METTL1: variants seen among roughly 807,000 people sequenced by gnomAD.
METTL1 encodes methyltransferase 1, tRNA methylguanosine.
METTL1 carries 14 observed loss-of-function variants against 27.7 expected under a neutral mutation model. The observed-to-expected ratio is 0.51, with a 90% CI of 0.33 to 0.79. The LOEUF (loss-of-function observed/expected upper bound fraction) is 0.79, where lower values mean the gene tolerates loss of function less well. Among genes scored for constraint, METTL1 ranks in the 30% least tolerant of loss-of-function variants. The pLI is 0.02. For missense variants in METTL1, 333 were observed against 359.6 expected, an observed-to-expected ratio of 0.93 and a Z score of 0.60; for synonymous variants, 138 against 137.0, an observed-to-expected ratio of 1.01 and a Z score of -0.05.
chr12:57,769,027 A>G lies in METTL1; in HGVS notation c.800T>C (p.Val267Ala). Residue 267 changes from valine (V) to alanine (A), a missense_variant, in exon 6 of 6, where the codon GTG becomes GCG. By Grantham distance (64) the Val-to-Ala change is moderately conservative (BLOSUM62 0). Transcript: ENST00000324871. ...ACCAGGCAGGCTGGTTTGGGAGGTC[A>G]CTGCCTGGAGGACGGGATCTTGTAT... is the stretch of plus-strand genomic sequence containing the variant. The part of the protein sequence containing the change: ...RRIQDPVLQA[V>A]TSQTSLPGH The G allele has an allele frequency of 3.1e-6, 5 of 1,607,646 alleles. No homozygotes were observed. The highest frequency in any genetic ancestry group is 1.9e-4 in the Middle Eastern group (1 of 5,210).
intron 2 of METTL1, 61 bp from the exon 3 acceptor site, chr12:57,770,017 C>A: frequency 6.6e-7 from 1 of 1,508,270 alleles, no homozygotes; most frequent in Non-Finnish European, 9.0e-7. Flanking sequence ...GCAAAGGGGT[C>A]AACACAGGAA....
In METTL1 at chr12:57,772,068, G is replaced by A. The variant is rs1293312643; in HGVS notation, c.16C>T (p.Arg6Trp). 3 of 1,562,200 alleles carry A rather than the reference G, an allele frequency of 1.9e-6. No homozygotes were observed. Among genetic ancestry groups the A allele is most frequent in the Middle Eastern group, 1.7e-4 (1 of 5,876 alleles). ...GGGGCCTCTGCTCCGGCCACGTTCC[G>A]AGTCTCGGCTGCCATGATCCCAGTC... is the stretch of plus-strand genomic sequence containing the variant. MAAETRNVAGAEAPPP... is the reference protein window; with the variant it reads MAAETWNVAGAEAPPP... The change falls in exon 1 of 6, where the codon CGG becomes TGG. Residue 6 changes from arginine (R) to tryptophan (W), a missense_variant. Physicochemically the swap from Arg to Trp is moderately radical, Grantham distance 101 (BLOSUM62 -3). Coordinates refer to ENST00000324871, the MANE Select transcript of METTL1 (RefSeq NM_005371.6). This position sits in a 1 kb window ranked among gnomAD's most constrained non-coding sequence, Gnocchi z 4.1.
chr12:57,769,201 C>T (rs1955396877), intron 5 of METTL1, 50 bp from the exon 6 acceptor site: 6 of 1,607,006 alleles, frequency 3.7e-6, no homozygotes, highest in Admixed American at 3.3e-5. Context: ...TCAGACTGCC[C>T]CTGGCCCTTA....
In METTL1 at chr12:57,771,220, A is replaced by G; in HGVS notation, c.148T>C (p.Tyr50His). 1 of 1,614,096 alleles carries G rather than the reference A, an allele frequency of 6.2e-7. No individual in the cohort carries two copies. Among genetic ancestry groups the G allele is most frequent in the Non-Finnish European group, 8.5e-7 (1 of 1,179,980 alleles). Residue 50 changes from tyrosine to histidine, a missense_variant, in exon 2 of 6, where the codon TAC becomes CAC. Coordinates refer to ENST00000324871, the MANE Select transcript of METTL1 (RefSeq NM_005371.6). ...KPEEMDWSEL[Y>H]PEFFAPLTQN... ...GTGAGTGGAGCGAAGAACTCTGGGT[A>G]TAGCTCAGACCAGTCCATCTCCTCT...
chr12:57,771,204 G>A lies in METTL1; in HGVS notation c.164C>T (p.Ala55Val). 1 of 1,614,184 alleles carries A rather than the reference G, an allele frequency of 6.2e-7. No individual in the cohort carries two copies. Among genetic ancestry groups the A allele is most frequent in the Non-Finnish European group, 8.5e-7 (1 of 1,180,036 alleles). The change falls in exon 2 of 6, where the codon GCT (alanine) becomes GTT (valine). Residue 55 changes from alanine (A) to valine (V), a missense_variant. By Grantham distance (64) the Ala-to-Val change is moderately conservative. Coordinates refer to ENST00000324871, the MANE Select transcript of METTL1 (RefSeq NM_005371.6). ...GTGGCTCTGATTTTGAGTGAGTGGA[G>A]CGAAGAACTCTGGGTATAGCTCAGA... is the stretch of plus-strand genomic sequence containing the variant. ...DWSELYPEFF[A>V]PLTQNQSHDD...
At chr12:57,770,015 G>T in intron 2 of METTL1, 59 bp from the exon 3 acceptor site, 2 of 1,509,962 alleles carry the variant, frequency 1.3e-6, no homozygotes, top group Non-Finnish European at 1.8e-6. Flanking sequence ...GTGCAAAGGG[G>T]TCAACACAGG....
Position 57,768,649 on chromosome 12 carries a change from G to A in METTL1, c.*347C>T, listed in dbSNP as rs1955388219. ...CAGAAGTGGTAATTGAGCCTAGCAAGCAGTTTAGATGGACTACATTCCTCA... is the reference window on the plus strand; with the variant it reads ...CAGAAGTGGTAATTGAGCCTAGCAAACAGTTTAGATGGACTACATTCCTCA... On this transcript the variant is annotated 3_prime_UTR_variant, in exon 6 of 6. Coordinates refer to ENST00000324871, the MANE Select transcript of METTL1 (RefSeq NM_005371.6). 4.0e-6 allele frequency: 1 copy of A among 249,494 alleles called. No homozygotes were observed. The highest frequency in any genetic ancestry group is 7.4e-5 in the East Asian group (1 of 13,530). 15.5% of individuals were successfully genotyped at this position (249,494 alleles called of 1,614,324 possible). A position where few individuals can be genotyped will look rare whatever the true frequency, so the allele number is the denominator to read the frequency against.
chr12:57,769,559 A>G lies in METTL1; in HGVS notation c.573+6T>C, dbSNP rs761528069. Reference sequence around the variant, plus strand: ...TCACCCCATCATCCCTCCGATCCCAACTCACCCCAACTCTTAGCACGTAGG... The same window carrying G: ...TCACCCCATCATCCCTCCGATCCCAGCTCACCCCAACTCTTAGCACGTAGG... On this transcript the variant is annotated splice_donor_region_variant and intron_variant, in intron 4 of 5. Transcript: ENST00000324871. The G allele has an allele frequency of 1.9e-6, 3 of 1,551,850 alleles. No individual in the cohort carries two copies. Among genetic ancestry groups the G allele is most frequent in the Non-Finnish European group, 2.6e-6 (3 of 1,146,390 alleles).
At position 57,769,301 on chromosome 12, in the gene METTL1, A is replaced by C. The variant is rs1429049455; in HGVS notation, c.675+2T>G. ...TCCACCTCCTCTAGGTCCCCTACTC[A>C]CCAGGTCCTCCAGAGGCACACGCTC... is the stretch of plus-strand genomic sequence containing the variant. On this transcript the variant is annotated splice_donor_variant, in intron 5 of 5. Transcript: ENST00000324871. LOFTEE classifies it high-confidence loss of function. 6.2e-7 allele frequency: 1 copy of C among 1,613,870 alleles called. No individual in the cohort carries two copies. The highest frequency in any genetic ancestry group is 2.2e-5 in the East Asian group (1 of 44,894).
Position 57,769,331 on chromosome 12 carries a change from A to T in METTL1, c.647T>A (p.Leu216Gln). The stretch of plus-strand genomic sequence containing the variant: ...GTCCTCCAGAGGCACACGCTCAAAC[A>T]GTGGGTGCTCTTCGAAATGAGTGCA... ...WMCTHFEEHP[L>Q]FERVPLEDLS... is the part of the protein sequence containing the mutation. The change falls in exon 5 of 6, where the codon CTG (leucine) becomes CAG (glutamine). Residue 216 changes from leucine (L) to glutamine (Q), a missense_variant. Coordinates refer to ENST00000324871, the MANE Select transcript of METTL1 (RefSeq NM_005371.6). 6.2e-7 allele frequency: 1 copy of T among 1,614,184 alleles called. No individual in the cohort carries two copies.
intron 1 of METTL1, 75 bp downstream of exon 1, chr12:57,771,899 C>T: frequency 6.9e-7 from 1 of 1,441,398 alleles, no homozygotes; most frequent in Admixed American, 2.5e-5. Flanking sequence ...ATCCTCCCAG[C>T]AGTTGCAGCA....
chr12:57,771,459 A>C (rs1402128427), intron 1 of METTL1: 3 of 1,486,298 alleles, frequency 2.0e-6, no homozygotes, highest in African/African-American at 2.8e-5. Context: ...TAGGACCATC[A>C]TGAGGCCCAT....
chr12:57,769,996 T>C (rs753098707), intron 2 of METTL1, 40 bp from the exon 3 acceptor site: 6 of 1,551,384 alleles, frequency 3.9e-6, no homozygotes, highest in Non-Finnish European at 5.3e-6. Flanking sequence ...AACCATATAC[T>C]TGTAGGAAGT....
At chr12:57,770,790 G>A (rs538176683) in intron 2 of METTL1, 120 of 276,746 alleles carry the variant, frequency 4.3e-4, no homozygotes, top group African/African-American at 2.4e-3. Flanking sequence ...GGCCACAACG[G>A]CTAATCTCTG....
rs187185858 is a variant in METTL1, at chr12:57,769,876, G to A, written c.355C>T (p.Arg119Trp). 214 of 1,614,058 alleles carry A rather than the reference G, an allele frequency of 1.3e-4. 1 individual carries two copies. Among genetic ancestry groups the A allele is most frequent in the South Asian group, 1.9e-4 (17 of 91,048 alleles). Residue 119 changes from arginine (R) to tryptophan (W), a missense_variant, in exon 3 of 6, where the codon CGG becomes TGG. Physicochemically the swap from Arg to Trp is moderately radical, Grantham distance 101 (BLOSUM62 -3). Transcript: ENST00000324871. ...RVKVSDYVQD[R>W]IRALRAAPAG... ...GGAGCTGCGCGTAGGGCCCGAATCC[G>A]GTCTTGTACATAGTCTGAGACCTTC...
rs371420966 is a variant in METTL1, at chr12:57,769,447, G to A, written c.574-43C>T. 1.1e-5 allele frequency: 17 copies of A among 1,607,046 alleles called. No individual in the cohort carries two copies. In the Admixed American group the frequency reaches 1.5e-4, roughly 14 times the overall value. ...CCCTAGACAGGAGGCTGCATGCAAC[G>A]TCAGCAGCCAGATGAAGGAAGTGGT... is the stretch of plus-strand genomic sequence containing the variant. On this transcript the variant is annotated intron_variant, in intron 4 of 5. Transcript: ENST00000324871.
Position 57,768,872 on chromosome 12 carries a change from C to G in METTL1, c.*124G>C. ...CACCAGTGGGTTCTGCCCTGGGCAG[C>G]TCCCCACCTTCTTTAAGAGAGTACT... On this transcript the variant is annotated 3_prime_UTR_variant, in exon 6 of 6. Transcript: ENST00000324871. 5 of 1,268,426 alleles carry G rather than the reference C, an allele frequency of 3.9e-6. 1 individual carries two copies. The highest frequency in any genetic ancestry group is 5.4e-6 in the Non-Finnish European group (5 of 923,170). The allele number at this position is 1,268,426 out of a possible 1,614,324, so 78.6% of individuals were successfully genotyped here. A position where few individuals can be genotyped will look rare whatever the true frequency, so the allele number is the denominator to read the frequency against.
rs1163461416 is a variant in METTL1, at chr12:57,771,997, G to T, written c.87C>A (p.Pro29=). The change falls in exon 1 of 6, where the codon CCC becomes CCA. Residue 29 remains proline (P), a synonymous_variant. Coordinates refer to ENST00000324871, the MANE Select transcript of METTL1 (RefSeq NM_005371.6). ...ACTAGCGCAGCGTGTGGTCCGCCAT[G>T]GGGTTGGAGTGAGCACGTTGCCGGT... ...RYYRQRAHSN[P]MADHTLRYPV... is the part of the protein sequence containing the mutation. 3.1e-5 allele frequency: 48 copies of T among 1,535,744 alleles called. No homozygotes were observed. Among genetic ancestry groups the T allele is most frequent in the Non-Finnish European group, 3.7e-5 (43 of 1,149,436 alleles).
At chr12:57,770,849 G>A (rs926521262) in intron 2 of METTL1, 7 of 419,106 alleles carry the variant, frequency 1.7e-5, no homozygotes, top group Non-Finnish European at 3.1e-5. Context: ...AGATGAAATG[G>A]CTCATGTAGG....
Sources: allele counts gnomAD v4.1 joint callset, GRCh38; gene constraint gnomAD v4.1.1; non-coding constraint Gnocchi (gnomAD v3.1); transcripts MANE v1.5; gene names NCBI Gene and HGNC (gene_info 2026-07-23, HGNC 2026-07-21).